LIPC: variants seen among roughly 807,000 people sequenced by gnomAD.
The protein encoded by LIPC is hepatic triacylglycerol lipase.
Under a neutral mutation model 50.7 loss-of-function variants are expected in LIPC, and 44 were observed. The observed-to-expected ratio is 0.87, with a 90% CI of 0.68 to 1.11. The LOEUF (loss-of-function observed/expected upper bound fraction) is 1.11. Ranked by LOEUF, LIPC falls within the 50% of genes most tolerant of loss-of-function variation. The pLI, the probability that LIPC is intolerant of heterozygous loss-of-function variation, is 0.00. For synonymous variants in LIPC, 271 were observed against 256.4 expected (o/e 1.06, Z -0.54); for missense variants, 697 against 648.2 (o/e 1.08, Z -0.82).
intron 1 of LIPC, among the ~76,000 whole-genome samples, chr15:58,531,009 G>C (rs922584247): frequency 6.6e-6 from 1 of 152,170 alleles, no homozygotes; most frequent in African/African-American, 2.4e-5. Flanking sequence ...CATTTCTCTT[G>C]AGTAAACGCT....
intron 1 of LIPC, among the ~76,000 whole-genome samples, chr15:58,496,022 A>G (rs1891752237): frequency 6.6e-6 from 1 of 152,166 alleles, no homozygotes; most frequent in African/African-American, 2.4e-5. Flanking sequence ...AGATTAAGTT[A>G]CTTCTGACCA....
At chr15:58,500,961 T>A (rs939551102) in intron 1 of LIPC, among the ~76,000 whole-genome samples, 6 of 151,996 alleles carry the variant, frequency 3.9e-5, no homozygotes, top group African/African-American at 1.4e-4. Context: ...TTGGGGTGCA[T>A]TGCTCCCATT....
intron 1 of LIPC, among the ~76,000 whole-genome samples, chr15:58,529,557 T>C (rs1892897512): frequency 6.6e-6 from 1 of 152,234 alleles, no homozygotes; most frequent in South Asian, 2.1e-4. Context: ...CCCAGTCTAC[T>C]GTCTTCTGTG....
intron 8 of LIPC, among the ~76,000 whole-genome samples, chr15:58,567,760 C>T (rs1198923356): frequency 6.6e-6 from 1 of 151,892 alleles, no homozygotes; most frequent in Admixed American, 6.6e-5. Flanking sequence ...GGAAAAATTG[C>T]AGGAAAACAT....
intron 1 of LIPC, among the ~76,000 whole-genome samples, chr15:58,449,636 G>T (rs750146951): frequency 1.3e-5 from 2 of 151,108 alleles, no homozygotes; most frequent in African/African-American, 4.9e-5. Flanking sequence ...TGCAAACTCC[G>T]CCTCCAGCTT....
At chr15:58,518,776 G>A (rs373702916) in intron 1 of LIPC, among the ~76,000 whole-genome samples, 19 of 152,160 alleles carry the variant, frequency 1.2e-4, no homozygotes, top group African/African-American at 2.6e-4. Flanking sequence ...ACTAATCTCC[G>A]GTGATGGAAG....
At chr15:58,480,545 C>T (rs762471998) in intron 1 of LIPC, among the ~76,000 whole-genome samples, 1 of 152,156 alleles carries the variant, frequency 6.6e-6, no homozygotes, top group Non-Finnish European at 1.5e-5. Flanking sequence ...TCCGCCCCCA[C>T]CTTGGCCTCC....
intron 1 of LIPC, among the ~76,000 whole-genome samples, chr15:58,526,987 C>A (rs963485987): frequency 9.2e-5 from 14 of 152,206 alleles, no homozygotes; most frequent in African/African-American, 3.1e-4. Flanking sequence ...CACTCCACTA[C>A]CCTGCCTCTG....
At chr15:58,476,528 A>G (rs1339124431) in intron 1 of LIPC, among the ~76,000 whole-genome samples, 1 of 152,228 alleles carries the variant, frequency 6.6e-6, no homozygotes, top group Non-Finnish European at 1.5e-5. Flanking sequence ...TGAAGCCAAC[A>G]CCATTTTAGT....
At chr15:58,470,342 A>G (rs1235250557) in intron 1 of LIPC, among the ~76,000 whole-genome samples, 1 of 152,180 alleles carries the variant, frequency 6.6e-6, no homozygotes, top group African/African-American at 2.4e-5. Context: ...ATTAGGTATT[A>G]TAGTCACAAA....
chr15:58,546,047 A>G, intron 5 of LIPC, 72 bp downstream of exon 5: 1 of 1,281,180 alleles, frequency 7.8e-7, no homozygotes, highest in African/African-American at 1.5e-5. Flanking sequence ...AGCGGAATCT[A>G]CCAACATACG....
chr15:58,526,842 C>T (rs1892813167), intron 1 of LIPC, among the ~76,000 whole-genome samples: 1 of 152,042 alleles, frequency 6.6e-6, no homozygotes, highest in Non-Finnish European at 1.5e-5. Context: ...AGACGGTCTT[C>T]CTATTTCCAA....
intron 1 of LIPC, among the ~76,000 whole-genome samples, chr15:58,498,339 G>A (rs1183310005): frequency 6.6e-6 from 1 of 152,146 alleles, no homozygotes; most frequent in Non-Finnish European, 1.5e-5. Context: ...CAAATTCCTG[G>A]TGATGTTGCC....
intron 6 of LIPC, among the ~76,000 whole-genome samples, chr15:58,553,568 G>A (rs1294446544): frequency 6.6e-6 from 1 of 152,166 alleles, no homozygotes; most frequent in Non-Finnish European, 1.5e-5. Flanking sequence ...ACTCTAGCCT[G>A]GGTGACAGAG....
intron 1 of LIPC, among the ~76,000 whole-genome samples, chr15:58,525,250 A>T (rs1892766888): frequency 6.6e-6 from 1 of 152,232 alleles, no homozygotes; most frequent in African/African-American, 2.4e-5. Flanking sequence ...ACTTCTATCA[A>T]ATACTGAATG....
At chr15:58,516,438 C>G (rs1042252876) in intron 1 of LIPC, among the ~76,000 whole-genome samples, 3 of 152,116 alleles carry the variant, frequency 2.0e-5, no homozygotes, top group African/African-American at 7.2e-5. Flanking sequence ...CCTTTCTTGT[C>G]TCCTTTGGAA....
intron 1 of LIPC, among the ~76,000 whole-genome samples, chr15:58,525,684 A>AC (rs113615953): frequency 0.02 from 3,081 of 152,248 alleles, 117 homozygotes; most frequent in African/African-American, 0.071. Context: ...GGAGGTTTGG[A>AC]CTTTGCCCTG....
At chr15:58,549,259 A>G (rs1380682061) in intron 6 of LIPC, among the ~76,000 whole-genome samples, 1 of 152,222 alleles carries the variant, frequency 6.6e-6, no homozygotes, top group Non-Finnish European at 1.5e-5. Flanking sequence ...GTTGCCATTA[A>G]CATTTCTGCC....
chr15:58,502,490 G>C (rs1892017467), intron 1 of LIPC, among the ~76,000 whole-genome samples: 1 of 145,564 alleles, frequency 6.9e-6, no homozygotes, highest in Admixed American at 7.2e-5. Context: ...ATTTTGCATT[G>C]AATTCCATGT....
Sources: allele counts gnomAD v4.1 joint callset (sites outside exome capture counted in the v4.1 genomes callset), GRCh38; gene constraint gnomAD v4.1.1; transcripts MANE v1.5; gene names NCBI Gene and HGNC (gene_info 2026-07-23, HGNC 2026-07-21).